The following MTMR8 variants were observed in gnomAD, a reference collection of about 807,000 sequenced individuals.
The protein encoded by MTMR8 is phosphatidylinositol-3,5-bisphosphate 3-phosphatase MTMR8.
MTMR8 carries 65 observed loss-of-function variants against 39.3 expected under a neutral mutation model. That is an observed-to-expected ratio of 1.65 (90% CI 1.35 to 2.03). The LOEUF (loss-of-function observed/expected upper bound fraction) is 2.03. Ranked by LOEUF, MTMR8 falls within the 30% of genes most tolerant of loss-of-function variation. MTMR8 has a pLI of 0.00. For synonymous variants in MTMR8, 245 were observed against 185.2 expected, an observed-to-expected ratio of 1.32 and a Z score of -2.62; for missense variants, 777 against 538.9, an observed-to-expected ratio of 1.44 and a Z score of -4.37.
At chrX:64,285,037 A>G (rs1363021323) in intron 12 of MTMR8, among the ~76,000 whole-genome samples, 3 of 112,043 alleles carry the variant, frequency 2.7e-5, no homozygotes, top group Non-Finnish European at 5.6e-5. Context: ...CAAATTGGAT[A>G]AAGAGTCAAG....
chrX:64,301,369 C>T (rs1357226812), intron 12 of MTMR8, among the ~76,000 whole-genome samples: 5 of 106,001 alleles, frequency 4.7e-5, no homozygotes, highest in African/African-American at 1.4e-4. Context: ...TTGATCGCAT[C>T]GGCTCCTGAG....
intron 12 of MTMR8, among the ~76,000 whole-genome samples, chrX:64,310,806 C>T (rs1202508333): frequency 2.7e-5 from 3 of 111,234 alleles, no homozygotes; most frequent in East Asian, 2.8e-4. Context: ...CAGCTTCATC[C>T]ATGTCCCTGC....
chrX:64,350,832 A>T (rs1403930079), intron 4 of MTMR8, among the ~76,000 whole-genome samples: 1 of 111,668 alleles, frequency 9.0e-6, no homozygotes, highest in African/African-American at 3.3e-5. Flanking sequence ...CCAAAGAGAC[A>T]GTGACAAAAT....
intron 1 of MTMR8, 127 bp downstream of exon 1, chrX:64,395,213 C>T (rs1021337077): frequency 4.2e-6 from 3 of 707,268 alleles, no homozygotes; most frequent in South Asian, 4.9e-5. Flanking sequence ...AGAAAGAGAA[C>T]CCGGGACCCC....
intron 1 of MTMR8, among the ~76,000 whole-genome samples, chrX:64,385,256 T>A (rs1924528855): frequency 8.9e-6 from 1 of 111,982 alleles, no homozygotes; most frequent in African/African-American, 3.3e-5. Context: ...TGAGACCTCA[T>A]CAGCCTGGAC....
chrX:64,350,099 A>T lies in MTMR8; in HGVS notation c.469-29T>A, dbSNP rs5964769. The T allele has an allele frequency of 0.028, 23,928 of 844,262 alleles. 2,969 individuals are homozygous for T. In the African/African-American group the frequency reaches 0.42, roughly 15 times the overall value. 69.6% of individuals were successfully genotyped at this position (844,262 alleles called of 1,213,427 possible). ...AAAGAAAATAAGCACAATATATATAAATATATATTTATACATTTATATATA... is the reference window on the plus strand; with the variant it reads ...AAAGAAAATAAGCACAATATATATATATATATATTTATACATTTATATATA... On this transcript the variant is annotated intron_variant, in intron 4 of 13. Transcript: ENST00000374852.
intron 12 of MTMR8, among the ~76,000 whole-genome samples, chrX:64,275,807 A>G (rs750160687): frequency 9.0e-6 from 1 of 111,542 alleles, no homozygotes; most frequent in Non-Finnish European, 1.9e-5. Flanking sequence ...AACCGATGCA[A>G]CAAAAATAAA....
At chrX:64,357,924 G>T (rs1249558281) in intron 2 of MTMR8, among the ~76,000 whole-genome samples, 5 of 111,693 alleles carry the variant, frequency 4.5e-5, no homozygotes, top group Non-Finnish European at 9.4e-5. Context: ...AGGGTCCAGG[G>T]AAGGTAGGCA....
chrX:64,306,275 A>T (rs1039655471), intron 12 of MTMR8: 3 of 323,092 alleles, frequency 9.3e-6, no homozygotes, highest in Non-Finnish European at 1.8e-5. Context: ...AATGTGGCAC[A>T]GCATTGGACT....
rs1332996495 is a variant in MTMR8, at chrX:64,319,761, A to G, written c.1481+9011T>C. On this transcript the variant is annotated intron_variant, in intron 12 of 13. Coordinates refer to ENST00000374852, the MANE Select transcript of MTMR8 (RefSeq NM_017677.4). ...GGGCTCTGTTCTGTTCCATTGGTCT[A>G]TATCTCTGTTTTGGTACCAGTACCA... Among the ~76,000 whole-genome samples the G allele has an allele frequency of 9.9e-5, 11 of 110,698 alleles. No homozygotes were observed. The South Asian group carries it at 1.6e-3, about 16-fold the overall frequency.
rs56132040 is a variant in MTMR8, at chrX:64,278,460, G to GTT, written c.1482-7389_1482-7388dup. On this transcript the variant is annotated intron_variant, in intron 12 of 13. Coordinates refer to ENST00000374852, the MANE Select transcript of MTMR8 (RefSeq NM_017677.4). Reference sequence around the variant, plus strand: ...GATGTTGATGCTATTTATTTTGCTGGTTTTTTTTTTTTTTTTTTTTTTTTT... The same window carrying GTT: ...GATGTTGATGCTATTTATTTTGCTGGTTTTTTTTTTTTTTTTTTTTTTTTTTT... Among the ~76,000 whole-genome samples, 132 of 24,694 alleles carry GTT rather than the reference G, an allele frequency of 5.3e-3. 30 individuals carry two copies. The highest frequency in any genetic ancestry group is 7.8e-3 in the Non-Finnish European group (96 of 12,272). The allele number at this position is 24,694 out of a possible 115,157, so 21.4% of individuals were successfully genotyped here.
intron 1 of MTMR8, among the ~76,000 whole-genome samples, chrX:64,366,729 T>C (rs911211699): frequency 6.3e-5 from 7 of 111,004 alleles, no homozygotes; most frequent in Admixed American, 1.9e-4. Flanking sequence ...ATTCAAAAGC[T>C]AGCAGAAGGC....
intron 12 of MTMR8, chrX:64,305,847 G>A: frequency 3.3e-6 from 1 of 302,833 alleles, no homozygotes; most frequent in South Asian, 4.8e-5. Context: ...TGGGCATGGT[G>A]GCTCACACTT....
At chrX:64,388,626 A>C (rs1924620852) in intron 1 of MTMR8, among the ~76,000 whole-genome samples, 1 of 112,382 alleles carries the variant, frequency 8.9e-6, no homozygotes, top group South Asian at 3.7e-4. Flanking sequence ...TAAATGCTGA[A>C]AGCACTCAAG....
chrX:64,304,635 C>T (rs926012830), intron 12 of MTMR8, among the ~76,000 whole-genome samples: 10 of 108,301 alleles, frequency 9.2e-5, no homozygotes, highest in South Asian at 8.3e-4. Flanking sequence ...TGTTCTTTCT[C>T]AGGCACTGAA....
At chrX:64,364,364 G>A (rs943914465) in intron 1 of MTMR8, among the ~76,000 whole-genome samples, 1 of 111,699 alleles carries the variant, frequency 9.0e-6, no homozygotes, top group African/African-American at 3.3e-5. Flanking sequence ...ATACAGGCGG[G>A]TGCCCCTCTG....
rs1404859808 is a variant in MTMR8, at chrX:64,331,416, C to T, written c.1352+141G>A. On this transcript the variant is annotated intron_variant, in intron 11 of 13. Transcript: ENST00000374852. ...GAGATCTCTGTGCAAACATTGAGTG[C>T]TTTATGCTTCAAAAGTTCTTTTTAT... 1.8e-4 allele frequency: 89 copies of T among 494,687 alleles called. No homozygotes were observed. In the East Asian group the frequency reaches 3.3e-3, roughly 18 times the overall value. 40.8% of individuals were successfully genotyped at this position (494,687 alleles called of 1,213,427 possible). A position where few individuals can be genotyped will look rare whatever the true frequency, so the allele number is the denominator to read the frequency against.
rs756473689 is a variant in MTMR8, at chrX:64,271,183, C to T, written c.1482-110G>A. The T allele has an allele frequency of 5.2e-6, 4 of 765,416 alleles. No homozygotes were observed. In the East Asian group the frequency reaches 1.5e-4, roughly 30 times the overall value. The allele number at this position is 765,416 out of a possible 1,213,427, so 63.1% of individuals were successfully genotyped here. A position where few individuals can be genotyped will look rare whatever the true frequency, so the allele number is the denominator to read the frequency against. On this transcript the variant is annotated intron_variant, in intron 12 of 13. Coordinates refer to ENST00000374852, the MANE Select transcript of MTMR8 (RefSeq NM_017677.4). ...ATTGGCTTAGTAGGTGGGAAAATCT[C>T]ATGAGTACTGTAATTTGATGACATT...
chrX:64,287,792 T>G (rs1921240344), intron 12 of MTMR8, among the ~76,000 whole-genome samples: 1 of 106,725 alleles, frequency 9.4e-6, no homozygotes, highest in Non-Finnish European at 1.9e-5. Context: ...GATCCCTTCC[T>G]TACATCTTAT....
Sources: gnomAD v4.1 joint callset for allele counts (sites outside exome capture counted in the v4.1 genomes callset) on GRCh38, gnomAD v4.1.1 for gene constraint, MANE v1.5 for transcripts, NCBI Gene and HGNC (gene_info 2026-07-23, HGNC 2026-07-21) for gene names.